Variants in RECK observed in about 807,000 individuals in gnomAD.
The protein encoded by RECK is reversion-inducing cysteine-rich protein with Kazal motifs.
In RECK, 69 loss-of-function variants were observed where a neutral mutation model predicts 115.1. The ratio of observed to expected loss-of-function variants is 0.60; its 90% CI spans 0.49 to 0.73. The LOEUF (loss-of-function observed/expected upper bound fraction) is 0.73. RECK is among the 30% of genes least tolerant of loss of function. The pLI is 0.00. For synonymous variants in RECK, 414 were observed against 419.7 expected (o/e 0.99, Z 0.17); for missense variants, 1,047 against 1,203.7 (o/e 0.87, Z 1.93).
intron 16 of RECK, among the ~76,000 whole-genome samples, chr9:36,116,459 C>G (rs1009039188): frequency 1.3e-5 from 2 of 152,172 alleles, no homozygotes; most frequent in Non-Finnish European, 2.9e-5. Flanking sequence ...TCATATTAGC[C>G]AAGCTGAAAG....
rs766031554 is a variant in RECK, at chr9:36,118,731, G to A, written c.2254-26G>A. 5 of 1,605,918 alleles carry A rather than the reference G, an allele frequency of 3.1e-6. No homozygotes were observed. In the South Asian group the frequency reaches 5.5e-5, roughly 18 times the overall value. On this transcript the variant is annotated intron_variant, in intron 17 of 20. Coordinates refer to ENST00000377966, the MANE Select transcript of RECK (RefSeq NM_021111.3). ...AAAGGTACAACATAGACATTTCCAGGCTAAATGTGATTTGTTTGCCCTCAG... is the reference window on the plus strand; with the variant it reads ...AAAGGTACAACATAGACATTTCCAGACTAAATGTGATTTGTTTGCCCTCAG...
In RECK at chr9:36,086,573, A is replaced by G. The variant is rs1235551968; in HGVS notation, c.638-1121A>G. On this transcript the variant is annotated intron_variant, in intron 8 of 20. Coordinates refer to ENST00000377966, the MANE Select transcript of RECK (RefSeq NM_021111.3). ...CCACAGCATGGAAAGGGACTGGAGC[A>G]GGTTGCCACTGCTGGCTCGGGTGGC... Among the ~76,000 whole-genome samples, 6 of 152,380 alleles carry G rather than the reference A, an allele frequency of 3.9e-5. 1 individual carries two copies. In the East Asian group the frequency reaches 1.2e-3, roughly 29 times the overall value.
At chr9:36,058,344 C>T (rs1432041340) in intron 2 of RECK, among the ~76,000 whole-genome samples, 7 of 146,574 alleles carry the variant, frequency 4.8e-5, no homozygotes, top group Non-Finnish European at 9.0e-5. Context: ...GAGTTCATGT[C>T]CTTTGTAGGG....
chr9:36,071,430 C>G (rs2132603378), intron 6 of RECK, among the ~76,000 whole-genome samples: 1 of 152,262 alleles, frequency 6.6e-6, no homozygotes, highest in South Asian at 2.1e-4. Flanking sequence ...CAGACCTTAC[C>G]TGCCATTCTC....
chr9:36,115,413 A>G lies in RECK; in HGVS notation c.2061-1572A>G, dbSNP rs983743405. The stretch of plus-strand genomic sequence containing the variant: ...GCATTTTTCTAAACATTAGGACATA[A>G]CAACAAACAAGACAGATCAAGTCTC... On this transcript the variant is annotated intron_variant, in intron 16 of 20. Transcript: ENST00000377966. 9.3e-4 allele frequency among the ~76,000 whole-genome samples: 140 copies of G among 149,982 alleles called. 2 individuals carry two copies. The highest frequency in any genetic ancestry group is 3.1e-4 in the Non-Finnish European group (21 of 67,070).
intron 19 of RECK, 36 bp from the exon 20 acceptor site, chr9:36,121,497 T>C (rs774470232): frequency 1.3e-6 from 2 of 1,596,380 alleles, no homozygotes; most frequent in Non-Finnish European, 1.7e-6. Context: ...TAGGAATTCT[T>C]CTTTTTTTCA....
Position 36,064,596 on chromosome 9 carries a change from T to C in RECK, c.357+716T>C, listed in dbSNP as rs184188511. 7.2e-5 allele frequency among the ~76,000 whole-genome samples: 11 copies of C among 152,330 alleles called. No homozygotes were observed. The East Asian group carries it at 1.9e-3, about 27-fold the overall frequency. ...ATCTCAGATAAGAGTATATGAGATA[T>C]GGTATCACCTTCACTTTCACAGAGA... is the stretch of plus-strand genomic sequence containing the variant. On this transcript the variant is annotated intron_variant, in intron 5 of 20. Transcript: ENST00000377966.
chr9:36,105,361 T>G (rs1823759576), intron 13 of RECK, 78 bp downstream of exon 13: 1 of 1,410,974 alleles, frequency 7.1e-7, no homozygotes, highest in Non-Finnish European at 9.9e-7. Context: ...TTTCTTTTTT[T>G]CAATCCTGCT....
intron 6 of RECK, among the ~76,000 whole-genome samples, chr9:36,073,227 C>T (rs1345557398): frequency 9.7e-6 from 1 of 103,504 alleles, no homozygotes; most frequent in Non-Finnish European, 2.0e-5. Context: ...CACAGACACA[C>T]ACAGACACAC....
chr9:36,061,922 C>G (rs1481011902), intron 4 of RECK, among the ~76,000 whole-genome samples: 5 of 152,102 alleles, frequency 3.3e-5, no homozygotes, highest in Admixed American at 2.6e-4. Flanking sequence ...CAGAATGCTT[C>G]TATTTGTTGT....
rs375407837 is a variant in RECK at position 36,110,092 on chromosome 9, G to A, written c.1888+13G>A. ...CGTACCTTCACAGGTGACTGTGATC[G>A]CCCAGAGTCTGTCCTCAGGGGCCAT... On this transcript the variant is annotated intron_variant, in intron 15 of 20. Coordinates refer to ENST00000377966, the MANE Select transcript of RECK (RefSeq NM_021111.3). The A allele has an allele frequency of 4.5e-5, 71 of 1,590,384 alleles. No homozygotes were observed. Among genetic ancestry groups the A allele is most frequent in the East Asian group, 6.8e-5 (3 of 44,242 alleles).
Position 36,117,035 on chromosome 9 carries a change from G to T in RECK, c.2111G>T (p.Cys704Phe). Reference protein sequence around the residue: ...VCLTTFDKFGCSQYECVPRQL... With the variant: ...VCLTTFDKFGFSQYECVPRQL... Reference sequence around the variant, plus strand: ...CTGACGACTTTTGATAAATTTGGATGTAGCCAGTATGAGTGTGTACCAAGA... The same window carrying T: ...CTGACGACTTTTGATAAATTTGGATTTAGCCAGTATGAGTGTGTACCAAGA... Residue 704 changes from cysteine (C) to phenylalanine (F), a missense_variant, in exon 17 of 21, where the codon TGT (cysteine) becomes TTT (phenylalanine). By Grantham distance (205) the Cys-to-Phe change is radical (BLOSUM62 -2). Coordinates refer to ENST00000377966, the MANE Select transcript of RECK (RefSeq NM_021111.3). 6.2e-7 allele frequency: 1 copy of T among 1,613,538 alleles called. No individual in the cohort carries two copies. Among genetic ancestry groups the T allele is most frequent in the Non-Finnish European group, 8.5e-7 (1 of 1,179,670 alleles).
intron 11 of RECK, among the ~76,000 whole-genome samples, 193 bp from the exon 12 acceptor site, chr9:36,101,901 C>A (rs913216066): frequency 4.6e-5 from 7 of 152,200 alleles, no homozygotes; most frequent in Non-Finnish European, 7.3e-5. Flanking sequence ...GGGCTTTGGT[C>A]TCAGACAACA....
chr9:36,121,446 T>C, intron 19 of RECK, 87 bp from the exon 20 acceptor site: 6 of 1,311,740 alleles, frequency 4.6e-6, no homozygotes, highest in Non-Finnish European at 6.3e-6. Flanking sequence ...CAAAAGAGCC[T>C]CCTCAGCTGG....
intron 1 of RECK, among the ~76,000 whole-genome samples, chr9:36,046,654 CTCTTTCATCCCA>C (rs1315768799): frequency 6.6e-6 from 1 of 152,160 alleles, no homozygotes; most frequent in Non-Finnish European, 1.5e-5. Context: ...TTAGGCTTCC[CTCTTTCATCCCA>C]TTTTGTCAGA....
At chr9:36,041,615 T>A (rs1820868455) in intron 1 of RECK, among the ~76,000 whole-genome samples, 1 of 152,136 alleles carries the variant, frequency 6.6e-6, no homozygotes, top group Non-Finnish European at 1.5e-5. Flanking sequence ...TCAGCACATC[T>A]CTACCTCAGG....
chr9:36,118,253 T>C (rs1376698174), intron 17 of RECK, among the ~76,000 whole-genome samples: 2 of 152,254 alleles, frequency 1.3e-5, no homozygotes, highest in Non-Finnish European at 2.9e-5. Flanking sequence ...CCCCTACTTG[T>C]TCCCTTCTCC....
rs758742862 is a variant in RECK, at chr9:36,118,932, T to C, written c.2429T>C (p.Leu810Pro). 8.7e-6 allele frequency: 14 copies of C among 1,612,984 alleles called. 1 individual carries two copies. The South Asian group carries it at 1.4e-4, about 16-fold the overall frequency. Residue 810 changes from leucine (L) to proline (P), a missense_variant, in exon 18 of 21, where the codon CTC becomes CCC. Leu to Pro is a moderately conservative substitution (Grantham distance 98). Coordinates refer to ENST00000377966, the MANE Select transcript of RECK (RefSeq NM_021111.3). Reference sequence around the variant, plus strand: ...TGTGCTTCTGTCAAGTGTCCTTCGCTCTTGGCAGCTGGATGCAAACCCATC... The same window carrying C: ...TGTGCTTCTGTCAAGTGTCCTTCGCCCTTGGCAGCTGGATGCAAACCCATC... ...AECASVKCPS[L>P]LAAGCKPIIP... is the part of the protein sequence containing the mutation.
chr9:36,095,487 C>A (rs1023732917), intron 10 of RECK, among the ~76,000 whole-genome samples: 1 of 152,138 alleles, frequency 6.6e-6, no homozygotes, highest in Non-Finnish European at 1.5e-5. Context: ...CTAGCATTAC[C>A]TTGATACCAA....
Sources: allele counts gnomAD v4.1 joint callset (sites outside exome capture counted in the v4.1 genomes callset), GRCh38; gene constraint gnomAD v4.1.1; transcripts MANE v1.5; gene names NCBI Gene and HGNC (gene_info 2026-07-23, HGNC 2026-07-21).